SLITRK6: variants seen among roughly 807,000 people sequenced by gnomAD.
The protein encoded by SLITRK6 is SLIT and NTRK-like protein 6.
SLITRK6 carries 35 observed loss-of-function variants against 55.6 expected under a neutral mutation model. The ratio of observed to expected loss-of-function variants is 0.63; its 90% CI spans 0.48 to 0.83. The LOEUF (loss-of-function observed/expected upper bound fraction) is 0.83, where lower values mean the gene tolerates loss of function less well. Ranked by LOEUF, SLITRK6 falls within the 40% of genes least tolerant of loss-of-function variation. The pLI, the probability that SLITRK6 is intolerant of heterozygous loss-of-function variation, is 0.00. For synonymous variants in SLITRK6, 392 were observed against 359.6 expected, an observed-to-expected ratio of 1.09 and a Z score of -1.02; for missense variants, 977 against 986.4, an observed-to-expected ratio of 0.99 and a Z score of 0.13.
intron 1 of SLITRK6, among the ~76,000 whole-genome samples, chr13:85,797,697 T>C (rs1481067088): frequency 1.3e-5 from 2 of 151,850 alleles, no homozygotes; most frequent in African/African-American, 2.4e-5. Flanking sequence ...CAGAATAACA[T>C]CACGTATTCT....
At position 85,794,742 on chromosome 13, in the gene SLITRK6, T is replaced by C; in HGVS notation, c.1767A>G (p.Thr589=). The C allele has an allele frequency of 6.2e-7, 1 of 1,613,290 alleles. No individual in the cohort carries two copies. The highest frequency in any genetic ancestry group is 8.5e-7 in the Non-Finnish European group (1 of 1,179,534). The change falls in exon 2 of 2, where the codon ACA becomes ACG. Residue 589 remains threonine, a synonymous_variant. Coordinates refer to ENST00000647374, the MANE Select transcript of SLITRK6 (RefSeq NM_032229.3). ...AAATAGTATCAGCCGTATTTGTTGT[T>C]GTTGCAGGAGTGGTGACCATAAGGT... ...TSYLMVTTPA[T]TTNTADTILR...
Position 85,794,152 on chromosome 13 carries a change from A to C in SLITRK6, c.2357T>G (p.Met786Arg), listed in dbSNP as rs1411562020. ...RKNIAQLQPD[M>R]EAHYPGAHEE... Reference sequence around the variant, plus strand: ...GTGGGCTCCAGGATAATGTGCCTCCATATCAGGCTGGAGCTGAGCAATGTT... The same window carrying C: ...GTGGGCTCCAGGATAATGTGCCTCCCTATCAGGCTGGAGCTGAGCAATGTT... Residue 786 changes from methionine to arginine, a missense_variant, in exon 2 of 2, where the codon ATG becomes AGG. Physicochemically the swap from Met to Arg is moderately conservative, Grantham distance 91. Coordinates refer to ENST00000647374, the MANE Select transcript of SLITRK6 (RefSeq NM_032229.3). 1.9e-6 allele frequency: 3 copies of C among 1,612,972 alleles called. No homozygotes were observed. Among genetic ancestry groups the C allele is most frequent in the East Asian group, 2.2e-5 (1 of 44,850 alleles).
rs79624852 is a variant in SLITRK6 at position 85,794,605 on chromosome 13, C to A, written c.1904G>T (p.Arg635Leu). 3 of 1,613,036 alleles carry A rather than the reference C, an allele frequency of 1.9e-6. No homozygotes were observed. Among genetic ancestry groups the A allele is most frequent in the Non-Finnish European group, 2.5e-6 (3 of 1,179,490 alleles). ...AAGIVVLVLHRRRRYKKKQVD... is the reference protein window; with the variant it reads ...AAGIVVLVLHLRRRYKKKQVD... The stretch of plus-strand genomic sequence containing the variant: ...TTGTTTCTTTTTGTATCTTCTCCTG[C>A]GGTGAAGAACAAGAACCACTATCCC... Residue 635 changes from arginine to leucine, a missense_variant, in exon 2 of 2, where the codon CGC (arginine) becomes CTC (leucine). Coordinates refer to ENST00000647374, the MANE Select transcript of SLITRK6 (RefSeq NM_032229.3).
At position 85,796,076 on chromosome 13, in the gene SLITRK6, T is replaced by G; in HGVS notation, c.433A>C (p.Asn145His). 6.2e-7 allele frequency: 1 copy of G among 1,612,938 alleles called. No individual in the cohort carries two copies. Among genetic ancestry groups the G allele is most frequent in the Non-Finnish European group, 8.5e-7 (1 of 1,179,432 alleles). The change falls in exon 2 of 2, where the codon AAC (asparagine) becomes CAC (histidine). Residue 145 changes from asparagine to histidine, a missense_variant. Physicochemically the swap from Asn to His is moderately conservative, Grantham distance 68. Coordinates refer to ENST00000647374, the MANE Select transcript of SLITRK6 (RefSeq NM_032229.3). ...GGTTCAATCACTGTGATAAAATTGT[T>G]ATCTGCTTGCAGGAATTCCAGGTTT... ...LENLEFLQAD[N>H]NFITVIEPSA...
rs1203057624 is a variant in SLITRK6, at chr13:85,794,717, A to G, written c.1792T>C (p.Leu598=). The change falls in exon 2 of 2, where the codon TTA becomes CTA. Residue 598 remains leucine (L), a synonymous_variant. Transcript: ENST00000647374. Reference sequence around the variant, plus strand: ...GGCACAGCGTCCGTAAGAGATCGTAAAATAGTATCAGCCGTATTTGTTGTT... The same window carrying G: ...GGCACAGCGTCCGTAAGAGATCGTAGAATAGTATCAGCCGTATTTGTTGTT... The part of the protein sequence containing the change: ...ATTTNTADTI[L]RSLTDAVPLS... 1 of 1,613,200 alleles carries G rather than the reference A, an allele frequency of 6.2e-7. No individual in the cohort carries two copies. Among genetic ancestry groups the G allele is most frequent in the Non-Finnish European group, 8.5e-7 (1 of 1,179,568 alleles).
At chr13:85,797,343 A>C (rs966289520) in intron 1 of SLITRK6, among the ~76,000 whole-genome samples, 1 of 151,684 alleles carries the variant, frequency 6.6e-6, no homozygotes, top group Non-Finnish European at 1.5e-5. Context: ...TTAAATCATT[A>C]TATTTAATAT....
chr13:85,794,968 A>G lies in SLITRK6; in HGVS notation c.1541T>C (p.Leu514Pro). The G allele has an allele frequency of 5.0e-6, 8 of 1,613,130 alleles. No homozygotes were observed. Among genetic ancestry groups the G allele is most frequent in the Non-Finnish European group, 6.8e-6 (8 of 1,179,472 alleles). ...DDLDLLTQID[L>P]EDNPWDCSCD... ...GGAGCAGTCCCAGGGGTTATCCTCA[A>G]GGTCAATCTGGGTTAGCAAATCAAG... is the stretch of plus-strand genomic sequence containing the variant. The change falls in exon 2 of 2, where the codon CTT becomes CCT. Residue 514 changes from leucine to proline, a missense_variant. By Grantham distance (98) the Leu-to-Pro change is moderately conservative. Transcript: ENST00000647374.
In SLITRK6 at chr13:85,795,593, G is replaced by A. The variant is rs568570592; in HGVS notation, c.916C>T (p.Leu306=). 2 of 1,612,954 alleles carry A rather than the reference G, an allele frequency of 1.2e-6. No homozygotes were observed. The highest frequency in any genetic ancestry group is 1.3e-5 in the African/African-American group (1 of 74,938). Residue 306 remains leucine, a synonymous_variant, in exon 2 of 2, where the codon CTA becomes TTA. Coordinates refer to ENST00000647374, the MANE Select transcript of SLITRK6 (RefSeq NM_032229.3). ...ATCAAACCTGGTGCTTTGGTGGGTA[G>A]TTTTAGAATGGACGTGGTCTTAGTT... The part of the protein sequence containing the change: ...MSTKTTSILK[L]PTKAPGLIPY...
At position 85,795,566 on chromosome 13, in the gene SLITRK6, G is replaced by T. The variant is rs376107628; in HGVS notation, c.943C>A (p.Pro315Thr). 1.9e-6 allele frequency: 3 copies of T among 1,612,706 alleles called. No individual in the cohort carries two copies. The African/African-American group carries it at 4.0e-5, about 22-fold the overall frequency. Residue 315 changes from proline to threonine, a missense_variant, in exon 2 of 2, where the codon CCT (proline) becomes ACT (threonine). By Grantham distance (38) the Pro-to-Thr change is conservative (BLOSUM62 -1). Transcript: ENST00000647374. ...KLPTKAPGLI[P>T]YITKPSTQLP... ...TGAGTGGATGGCTTTGTAATATAAG[G>T]TATCAAACCTGGTGCTTTGGTGGGT...
In SLITRK6 at chr13:85,796,476, A is replaced by T; in HGVS notation, c.33T>A (p.Ser11=). 6.4e-7 allele frequency: 1 copy of T among 1,565,486 alleles called. No homozygotes were observed. The highest frequency in any genetic ancestry group is 1.2e-5 in the South Asian group (1 of 82,742). The change falls in exon 2 of 2, where the codon TCT becomes TCA. Residue 11 remains serine, a synonymous_variant. Transcript: ENST00000647374. ...AGTGTAAAGATATACAGGCAAGGAG[A>T]GATGAATAAAAGAGATGAATCCACA... MKLWIHLFYS[S]LLACISLHSQ...
At position 85,795,258 on chromosome 13, in the gene SLITRK6, A is replaced by G. The variant is rs753984127; in HGVS notation, c.1251T>C (p.Tyr417=). ...FMNLTRLQKL[Y]LNGNHLTKLS... is the part of the protein sequence containing the mutation. ...ATTTGGTCAGGTGGTTACCATTTAG[A>G]TAGAGTTTTTGTAATCTCGTTAGGT... Residue 417 remains tyrosine (Y), a synonymous_variant, in exon 2 of 2, where the codon TAT becomes TAC. Transcript: ENST00000647374. 6.2e-6 allele frequency: 10 copies of G among 1,612,620 alleles called. No individual in the cohort carries two copies. Among genetic ancestry groups the G allele is most frequent in the African/African-American group, 1.3e-5 (1 of 74,836 alleles).
chr13:85,797,026 T>G (rs1054800096), intron 1 of SLITRK6, among the ~76,000 whole-genome samples: 6 of 151,670 alleles, frequency 4.0e-5, no homozygotes, highest in African/African-American at 1.2e-4. Flanking sequence ...AGAATGTATG[T>G]GTGCATATGT....
rs1229145139 is a variant in SLITRK6, at chr13:85,794,755, G to A, written c.1754C>T (p.Thr585Ile). ...MPTQTSYLMVTTPATTTNTAD... is the reference protein window; with the variant it reads ...MPTQTSYLMVITPATTTNTAD... ...CGTATTTGTTGTTGTTGCAGGAGTG[G>A]TGACCATAAGGTAACTAGTCTGTGT... Residue 585 changes from threonine (T) to isoleucine (I), a missense_variant, in exon 2 of 2, where the codon ACC (threonine) becomes ATC (isoleucine). By Grantham distance (89) the Thr-to-Ile change is moderately conservative. Coordinates refer to ENST00000647374, the MANE Select transcript of SLITRK6 (RefSeq NM_032229.3). 11 of 1,613,106 alleles carry A rather than the reference G, an allele frequency of 6.8e-6. No homozygotes were observed. In the Middle Eastern group the frequency reaches 6.6e-4, roughly 97 times the overall value.
rs751568396 is a variant in SLITRK6, at chr13:85,794,350, C to G, written c.2159G>C (p.Ser720Thr). The G allele has an allele frequency of 6.2e-7, 1 of 1,613,256 alleles. No homozygotes were observed. The highest frequency in any genetic ancestry group is 2.2e-5 in the East Asian group (1 of 44,852). Residue 720 changes from serine to threonine, a missense_variant, in exon 2 of 2, where the codon AGT becomes ACT. By Grantham distance (58) the Ser-to-Thr change is moderately conservative (BLOSUM62 1). Transcript: ENST00000647374. Reference sequence around the variant, plus strand: ...TGAATGATTTTCCTGTTCCAAAAGACTTCTTTGGAGATGTTTTGCATCACT... The same window carrying G: ...TGAATGATTTTCCTGTTCCAAAAGAGTTCTTTGGAGATGTTTTGCATCACT... ...EGSDAKHLQR[S>T]LLEQENHSPL...
At chr13:85,798,467 A>G (rs1381137678) in intron 1 of SLITRK6, among the ~76,000 whole-genome samples, 2 of 152,030 alleles carry the variant, frequency 1.3e-5, no homozygotes, top group African/African-American at 4.8e-5. Flanking sequence ...TCTACTGACA[A>G]TATCTGATAC....
At position 85,794,066 on chromosome 13, in the gene SLITRK6, G is replaced by A; in HGVS notation, c.2443C>T (p.Gln815Ter). 6.2e-7 allele frequency: 1 copy of A among 1,612,380 alleles called. No individual in the cohort carries two copies. The highest frequency in any genetic ancestry group is 8.5e-7 in the Non-Finnish European group (1 of 1,179,120). ...AGTTCAAAATACTCATTTTTTGTCT[G>A]TTCCACTAATACCTTCCTTGGACGT... ...YSRPRKVLVE[Q>*]TKNEYFELKA... is the part of the protein sequence containing the mutation. The change falls in exon 2 of 2, where the codon CAG becomes TAG. Residue 815 changes from glutamine (Q) to a stop codon, truncating the protein, a stop_gained. Transcript: ENST00000647374. LOFTEE classifies it high-confidence loss of function.
chr13:85,795,430 G>A lies in SLITRK6; in HGVS notation c.1079C>T (p.Pro360Leu), dbSNP rs1874682917. The A allele has an allele frequency of 1.2e-6, 2 of 1,612,844 alleles. No individual in the cohort carries two copies. Among genetic ancestry groups the A allele is most frequent in the South Asian group, 1.1e-5 (1 of 91,058 alleles). ...GAGCTTTCTAGGATTTTGCGGAGGA[G>A]GTCTCAGATCTGATAAGCTTTCAAT... is the stretch of plus-strand genomic sequence containing the variant. The part of the protein sequence containing the change: ...RNIESLSDLR[P>L]PPQNPRKLIL... Residue 360 changes from proline (P) to leucine (L), a missense_variant, in exon 2 of 2, where the codon CCT (proline) becomes CTT (leucine). By Grantham distance (98) the Pro-to-Leu change is moderately conservative (BLOSUM62 -3). Transcript: ENST00000647374.
At position 85,796,108 on chromosome 13, in the gene SLITRK6, C is replaced by G. The variant is rs763209703; in HGVS notation, c.401G>C (p.Gly134Ala). The part of the protein sequence containing the change: ...LEILKEDTFH[G>A]LENLEFLQAD... ...TTGCAGGAATTCCAGGTTTTCCAGT[C>G]CATGGAAAGTATCCTCTTTAAGAAT... The change falls in exon 2 of 2, where the codon GGA (glycine) becomes GCA (alanine). Residue 134 changes from glycine (G) to alanine (A), a missense_variant. Physicochemically the swap from Gly to Ala is moderately conservative, Grantham distance 60. Coordinates refer to ENST00000647374, the MANE Select transcript of SLITRK6 (RefSeq NM_032229.3). The G allele has an allele frequency of 6.2e-6, 10 of 1,612,294 alleles. No homozygotes were observed. In the South Asian group the frequency reaches 1.1e-4, roughly 18 times the overall value.
chr13:85,797,684 G>A (rs555757161), intron 1 of SLITRK6, among the ~76,000 whole-genome samples: 2 of 151,794 alleles, frequency 1.3e-5, no homozygotes, highest in South Asian at 2.1e-4. Context: ...AAAAAGGATG[G>A]TTCAGAATAA....
Sources: allele counts gnomAD v4.1 joint callset (sites outside exome capture counted in the v4.1 genomes callset), GRCh38; gene constraint gnomAD v4.1.1; transcripts MANE v1.5; gene names NCBI Gene and HGNC (gene_info 2026-07-23, HGNC 2026-07-21).